The following POLH variants were observed in gnomAD, a reference collection of about 807,000 sequenced individuals.
POLH encodes the protein DNA polymerase eta.
A neutral mutation model predicts 73.6 loss-of-function variants in POLH; 53 were observed. The observed-to-expected ratio is 0.72, with a 90% confidence interval of 0.58 to 0.91. The LOEUF (loss-of-function observed/expected upper bound fraction) is 0.91, where lower values mean the gene tolerates loss of function less well. POLH is among the 40% of genes least tolerant of loss of function. The pLI is 0.00. For missense variants in POLH, 768 were observed against 865.4 expected, an observed-to-expected ratio of 0.89 and a Z score of 1.41; for synonymous variants, 292 against 308.5, an observed-to-expected ratio of 0.95 and a Z score of 0.56.
intron 1 of POLH, among the ~76,000 whole-genome samples, chr6:43,580,768 AC>A (rs1260405831): frequency 0.014 from 1,451 of 103,156 alleles, 45 homozygotes; most frequent in African/African-American, 0.053. Flanking sequence ...CGGGGGGCCG[AC>A]CCCCCCACCT....
intron 10 of POLH, among the ~76,000 whole-genome samples, chr6:43,611,698 T>G (rs993993344): frequency 2.0e-5 from 3 of 152,186 alleles, no homozygotes; most frequent in Admixed American, 6.6e-5. Flanking sequence ...CGCTTATTAC[T>G]TATCTAAATA....
rs1266592777 is a variant in POLH at position 43,618,873 on chromosome 6, C to T, written c.*4316C>T. On this transcript the variant is annotated 3_prime_UTR_variant, in exon 11 of 11. Coordinates refer to ENST00000372236, the MANE Select transcript of POLH (RefSeq NM_006502.3). ...CTTGAACTCTTGATCTCAAGTGATC[C>T]ACCCGCCCTGGCCTCCCAAAGTGCT... Among the ~76,000 whole-genome samples the T allele has an allele frequency of 6.6e-6, 1 of 151,986 alleles. No individual in the cohort carries two copies. Among genetic ancestry groups the T allele is most frequent in the Non-Finnish European group, 1.5e-5 (1 of 67,992 alleles).
At chr6:43,578,407 A>AC (rs1162068309) in intron 1 of POLH, 1 of 439,366 alleles carries the variant, frequency 2.3e-6, no homozygotes, top group Non-Finnish European at 4.5e-6. Context: ...AACAACAACA[A>AC]AAAACTCATG....
intron 10 of POLH, among the ~76,000 whole-genome samples, chr6:43,611,956 T>C (rs2127818754): frequency 6.6e-6 from 1 of 152,166 alleles, no homozygotes; most frequent in Middle Eastern, 3.4e-3. Flanking sequence ...CTTGGGAGGC[T>C]GAGGCAGGAG....
chr6:43,587,539 T>G (rs564401345), intron 4 of POLH, 50 bp downstream of exon 4: 3 of 1,299,246 alleles, frequency 2.3e-6, no homozygotes, highest in Non-Finnish European at 3.4e-6. Flanking sequence ...TGGAACCTGC[T>G]TTGCTTGGTC....
At chr6:43,577,290 G>A (rs570874831) in intron 1 of POLH, among the ~76,000 whole-genome samples, 1 of 152,242 alleles carries the variant, frequency 6.6e-6, no homozygotes, top group African/African-American at 2.4e-5. Context: ...TGTGTGCTTA[G>A]TAAATTGTGT....
At chr6:43,589,388 T>C (rs551216095) in intron 4 of POLH, among the ~76,000 whole-genome samples, 3 of 152,322 alleles carry the variant, frequency 2.0e-5, no homozygotes, top group Non-Finnish European at 4.4e-5. Flanking sequence ...CAACAACAAC[T>C]GGTATCATCT....
At position 43,598,848 on chromosome 6, in the gene POLH, G is replaced by A. The variant is rs1185913837; in HGVS notation, c.660+983G>A. Among the ~76,000 whole-genome samples, 6 of 152,072 alleles carry A rather than the reference G, an allele frequency of 3.9e-5. No individual in the cohort carries two copies. The East Asian group carries it at 1.2e-3, about 29-fold the overall frequency. ...ACTTGGGGTTTTGGTATCCACTGGAGGTCTTAGAACCAATCCCCTGCAGAT... is the reference window on the plus strand; with the variant it reads ...ACTTGGGGTTTTGGTATCCACTGGAAGTCTTAGAACCAATCCCCTGCAGAT... On this transcript the variant is annotated intron_variant, in intron 5 of 10. Transcript: ENST00000372236.
rs1158173869 is a variant in POLH at position 43,611,954 on chromosome 6, G to A, written c.1244+1231G>A. 3.3e-5 allele frequency among the ~76,000 whole-genome samples: 5 copies of A among 152,076 alleles called. No homozygotes were observed. In the East Asian group the frequency reaches 5.8e-4, roughly 18 times the overall value. On this transcript the variant is annotated intron_variant, in intron 10 of 10. Coordinates refer to ENST00000372236, the MANE Select transcript of POLH (RefSeq NM_006502.3). ...GCCTATAATCCCAGCTACTTGGGAG[G>A]CTGAGGCAGGAGAATTGCTTGAACC...
At chr6:43,598,324 T>C (rs1766328774) in intron 5 of POLH, among the ~76,000 whole-genome samples, 1 of 151,848 alleles carries the variant, frequency 6.6e-6, no homozygotes, top group African/African-American at 2.4e-5. Context: ...AAATATGTAC[T>C]TTCCTAAGAA....
chr6:43,592,786 A>G (rs984622965), intron 4 of POLH, among the ~76,000 whole-genome samples: 3 of 152,202 alleles, frequency 2.0e-5, no homozygotes, highest in Admixed American at 1.3e-4. Context: ...CTTCTCAGAA[A>G]TTGTCAAGGT....
At chr6:43,579,572 C>T (rs1213840674) in intron 1 of POLH, among the ~76,000 whole-genome samples, 3 of 152,148 alleles carry the variant, frequency 2.0e-5, no homozygotes, top group African/African-American at 7.2e-5. Context: ...AATTTGATTA[C>T]CTGAGTTCTG....
chr6:43,599,565 CT>C (rs1766495079), intron 5 of POLH, among the ~76,000 whole-genome samples: 1 of 151,786 alleles, frequency 6.6e-6, no homozygotes, highest in African/African-American at 2.4e-5. Context: ...CTGATTTTCC[CT>C]GGTTGATACC....
Position 43,615,829 on chromosome 6 carries a change from C to T in POLH, c.*1272C>T, listed in dbSNP as rs894249619. 1.3e-4 allele frequency among the ~76,000 whole-genome samples: 20 copies of T among 151,696 alleles called. No homozygotes were observed. Among genetic ancestry groups the T allele is most frequent in the African/African-American group, 3.9e-4 (16 of 41,358 alleles). On this transcript the variant is annotated 3_prime_UTR_variant, in exon 11 of 11. Transcript: ENST00000372236. ...CTGGGACTACAGGCACGTGCTACCA[C>T]ACTCAGCTAATTTTTGTATTTTTAA...
chr6:43,578,405 CA>C (rs1427806783), intron 1 of POLH: 1 of 436,922 alleles, frequency 2.3e-6, no homozygotes, highest in Admixed American at 2.6e-5. Flanking sequence ...ACAACAACAA[CA>C]AAAAACTCAT....
rs1395538146 is a variant in POLH at position 43,620,300 on chromosome 6, C to G, written c.*5743C>G. ...CTCACTTGAACTACGGAAAATAGGC[C>G]ACAATACTTGGTTACAATACTGGAA... On this transcript the variant is annotated 3_prime_UTR_variant, in exon 11 of 11. Transcript: ENST00000372236. 1 of 516,798 alleles carries G rather than the reference C, an allele frequency of 1.9e-6. No homozygotes were observed. The highest frequency in any genetic ancestry group is 2.0e-5 in the Admixed American group (1 of 50,880). 32.0% of individuals were successfully genotyped at this position (516,798 alleles called of 1,614,324 possible).
Position 43,586,056 on chromosome 6 carries a change from T to C in POLH, c.273-1216T>C, listed in dbSNP as rs191327452. On this transcript the variant is annotated intron_variant, in intron 3 of 10. Coordinates refer to ENST00000372236, the MANE Select transcript of POLH (RefSeq NM_006502.3). ...CTAATTTGAGAGTGTTTTAGAACAA[T>C]AATTATATTAGTTTTTATGGGTGTC... Among the ~76,000 whole-genome samples the C allele has an allele frequency of 1.6e-4, 24 of 152,034 alleles. No individual in the cohort carries two copies. The East Asian group carries it at 4.1e-3, about 26-fold the overall frequency.
intron 4 of POLH, among the ~76,000 whole-genome samples, chr6:43,594,242 C>T: frequency 6.6e-6 from 1 of 152,060 alleles, no homozygotes; most frequent in African/African-American, 2.4e-5. Flanking sequence ...CATACAATTA[C>T]AGTAAATTAT....
chr6:43,620,427 T>A lies in POLH; in HGVS notation c.*5870T>A. On this transcript the variant is annotated 3_prime_UTR_variant, in exon 11 of 11. Coordinates refer to ENST00000372236, the MANE Select transcript of POLH (RefSeq NM_006502.3). ...GCAGTGTTGGGGTTTCACTTGTCTC[T>A]AATCCTGAAGAGGTATCTAGCCCTG... The A allele has an allele frequency of 2.4e-6, 1 of 417,696 alleles. No homozygotes were observed. The highest frequency in any genetic ancestry group is 4.6e-6 in the Non-Finnish European group (1 of 215,914). The allele number at this position is 417,696 out of a possible 1,614,324, so 25.9% of individuals were successfully genotyped here.
Sources: allele counts gnomAD v4.1 joint callset (sites outside exome capture counted in the v4.1 genomes callset), GRCh38; gene constraint gnomAD v4.1.1; transcripts MANE v1.5; gene names NCBI Gene and HGNC (gene_info 2026-07-23, HGNC 2026-07-21).